PSTPIP2: variants seen among roughly 807,000 people sequenced by gnomAD.
PSTPIP2 encodes proline-serine-threonine phosphatase interacting protein 2.
A neutral mutation model predicts 63.3 loss-of-function variants in PSTPIP2; 33 were observed. The ratio of observed to expected loss-of-function variants is 0.52; its 90% confidence interval spans 0.40 to 0.70. PSTPIP2 has a LOEUF of 0.70. Among genes scored for constraint, PSTPIP2 ranks in the 30% least tolerant of loss-of-function variants. The pLI is 0.00. For missense variants in PSTPIP2, 312 were observed against 400.7 expected, an observed-to-expected ratio of 0.78 and a Z score of 1.89; for synonymous variants, 125 against 132.7, an observed-to-expected ratio of 0.94 and a Z score of 0.40.
intron 2 of PSTPIP2, 46 bp downstream of exon 2, chr18:46,039,901 G>A (rs1453590983): frequency 6.8e-7 from 1 of 1,479,084 alleles, no homozygotes. Flanking sequence ...TCTGTGTGGA[G>A]ACATCTTGGC....
intron 1 of PSTPIP2, among the ~76,000 whole-genome samples, chr18:46,068,625 G>A (rs567044593): frequency 1.6e-4 from 25 of 151,878 alleles, no homozygotes; most frequent in Middle Eastern, 3.4e-3. Context: ...CCAGCACTTT[G>A]GGAGGCCAAG....
At chr18:46,022,353 A>G (rs911185756) in intron 3 of PSTPIP2, among the ~76,000 whole-genome samples, 1 of 152,048 alleles carries the variant, frequency 6.6e-6, no homozygotes, top group African/African-American at 2.4e-5. Flanking sequence ...CCAATGTCCT[A>G]TATGTCCCTA....
chr18:46,057,478 C>T (rs1288837058), intron 1 of PSTPIP2, among the ~76,000 whole-genome samples: 2 of 151,640 alleles, frequency 1.3e-5, no homozygotes, highest in African/African-American at 4.8e-5. Context: ...CAGGCGAGCG[C>T]CACCACGCCT....
At chr18:46,040,141 C>T (rs1599734327) in intron 1 of PSTPIP2, 94 bp from the exon 2 acceptor site, 8 of 1,028,218 alleles carry the variant, frequency 7.8e-6, no homozygotes, top group East Asian at 7.8e-5. Context: ...AAGCTGGCCA[C>T]GGAACGTTGC....
chr18:46,020,257 C>T (rs1907296180), intron 3 of PSTPIP2, among the ~76,000 whole-genome samples: 1 of 152,206 alleles, frequency 6.6e-6, no homozygotes, highest in Non-Finnish European at 1.5e-5. Context: ...TTCTACAACT[C>T]TTTTAAAAAG....
chr18:46,019,565 C>T (rs1402518389), intron 3 of PSTPIP2, among the ~76,000 whole-genome samples: 1 of 152,132 alleles, frequency 6.6e-6, no homozygotes. Context: ...CGTTGCGAGG[C>T]CAAGGCGGGA....
intron 2 of PSTPIP2, among the ~76,000 whole-genome samples, chr18:46,032,813 C>T (rs1907832629): frequency 6.9e-6 from 1 of 145,568 alleles, no homozygotes; most frequent in Non-Finnish European, 1.5e-5. Context: ...AGAAAAACAA[C>T]CCATGACAAA....
chr18:46,012,943 A>C (rs8096567), intron 4 of PSTPIP2, among the ~76,000 whole-genome samples: 1 of 152,194 alleles, frequency 6.6e-6, no homozygotes, highest in African/African-American at 2.4e-5. Flanking sequence ...ACTTATGTAT[A>C]TGAATAAACA....
intron 6 of PSTPIP2, among the ~76,000 whole-genome samples, chr18:45,999,917 T>C (rs2051644900): frequency 2.6e-5 from 4 of 152,170 alleles, no homozygotes; most frequent in Non-Finnish European, 5.9e-5. Context: ...GTGGGTGGAT[T>C]GCTTGAGCCC....
intron 2 of PSTPIP2, among the ~76,000 whole-genome samples, chr18:46,037,939 T>G (rs1908042681): frequency 6.6e-6 from 1 of 152,260 alleles, no homozygotes. Flanking sequence ...CCTACTCTTA[T>G]GTATTTTTGT....
intron 1 of PSTPIP2, among the ~76,000 whole-genome samples, chr18:46,061,028 G>T (rs1320877867): frequency 6.6e-6 from 1 of 152,228 alleles, no homozygotes; most frequent in Non-Finnish European, 1.5e-5. Flanking sequence ...AGGAGGCTGG[G>T]TGTGGTAGCT....
chr18:46,045,306 A>T (rs1908343944), intron 1 of PSTPIP2, among the ~76,000 whole-genome samples: 1 of 152,240 alleles, frequency 6.6e-6, no homozygotes, highest in East Asian at 1.9e-4. Flanking sequence ...TGTGGCACAT[A>T]TACACCATGG....
intron 2 of PSTPIP2, among the ~76,000 whole-genome samples, chr18:46,025,063 C>T (rs1357672621): frequency 7.2e-5 from 11 of 152,090 alleles, no homozygotes; most frequent in Non-Finnish European, 1.0e-4. Context: ...TAAACTGTAC[C>T]AAAGGAAGGG....
chr18:46,043,760 T>C (rs1908278866), intron 1 of PSTPIP2, among the ~76,000 whole-genome samples: 1 of 152,044 alleles, frequency 6.6e-6, no homozygotes, highest in African/African-American at 2.4e-5. Flanking sequence ...TCTAAGAAGT[T>C]TACAAAAAAG....
chr18:46,052,194 G>A (rs1439183267), intron 1 of PSTPIP2, among the ~76,000 whole-genome samples: 2 of 152,210 alleles, frequency 1.3e-5, no homozygotes, highest in African/African-American at 4.8e-5. Context: ...AGAACTAGGA[G>A]CTAGGAACTT....
At position 46,032,890 on chromosome 18, in the gene PSTPIP2, T is replaced by C. The variant is rs946129951; in HGVS notation, c.134+7057A>G. Among the ~76,000 whole-genome samples the C allele has an allele frequency of 2.6e-5, 4 of 152,208 alleles. 1 individual carries two copies. Among genetic ancestry groups the C allele is most frequent in the South Asian group, 4.2e-4 (2 of 4,816 alleles). On this transcript the variant is annotated intron_variant, in intron 2 of 14. Transcript: ENST00000409746. ...CTCAGGATGATCCTCAATCTAGTGC[T>C]CCAGGTTGCCCCAAAATCAGAGTGA...
intron 9 of PSTPIP2, among the ~76,000 whole-genome samples, chr18:45,997,538 C>T (rs1259285445): frequency 1.3e-5 from 2 of 151,774 alleles, no homozygotes; most frequent in East Asian, 1.9e-4. Flanking sequence ...TATGAGAATC[C>T]GGGCAGATCA....
At chr18:46,009,906 A>G (rs534697169) in intron 5 of PSTPIP2, among the ~76,000 whole-genome samples, 20 of 152,330 alleles carry the variant, frequency 1.3e-4, no homozygotes, top group Admixed American at 1.1e-3. Flanking sequence ...CTGCTCTGAA[A>G]AAAGGCTTCA....
intron 11 of PSTPIP2, 25 bp downstream of exon 11, chr18:45,992,081 C>T: frequency 6.3e-7 from 1 of 1,599,040 alleles, no homozygotes; most frequent in Non-Finnish European, 8.6e-7. Flanking sequence ...GTAAATAACA[C>T]TCCCCACCCC....
Sources: allele counts gnomAD v4.1 joint callset (sites outside exome capture counted in the v4.1 genomes callset), GRCh38; gene constraint gnomAD v4.1.1; transcripts MANE v1.5; gene names NCBI Gene and HGNC (gene_info 2026-07-23, HGNC 2026-07-21).